PAWR: variants seen among roughly 807,000 people sequenced by gnomAD.
PAWR encodes the protein PRKC apoptosis WT1 regulator protein.
PAWR carries 23 observed loss-of-function variants against 32.0 expected under a neutral mutation model. That is an observed-to-expected ratio of 0.72 (90% confidence interval 0.52 to 1.02). The LOEUF (loss-of-function observed/expected upper bound fraction) is 1.02, where lower values mean the gene tolerates loss of function less well. Among genes scored for constraint, PAWR ranks in the 50% least tolerant of loss-of-function variants. The probability of loss-of-function intolerance (pLI) is 0.00; values close to 1 mark genes in which losing one functional copy is unlikely to be tolerated. For synonymous variants in PAWR, 226 were observed against 187.1 expected (o/e 1.21, Z -1.70); for missense variants, 457 against 437.7 (o/e 1.04, Z -0.39).
intron 2 of PAWR, chr12:79,635,729 G>T (rs1486840525): frequency 6.6e-6 from 1 of 152,042 alleles, no homozygotes; most frequent in Non-Finnish European, 1.5e-5. Flanking sequence ...CACCAATAAA[G>T]CATAATTTTA....
intron 2 of PAWR, among the ~76,000 whole-genome samples, chr12:79,673,101 GCT>G (rs1877988733): frequency 6.6e-6 from 1 of 152,044 alleles, no homozygotes; most frequent in Non-Finnish European, 1.5e-5. Context: ...ACGGAGTCTT[GCT>G]CTGTCTCCCA....
At chr12:79,640,380 T>C (rs1229876406) in intron 2 of PAWR, among the ~76,000 whole-genome samples, 1 of 152,144 alleles carries the variant, frequency 6.6e-6, no homozygotes, top group Non-Finnish European at 1.5e-5. Flanking sequence ...CCTTCAATCA[T>C]ACTACAACCC....
intron 1 of PAWR, 114 bp from the exon 2 acceptor site, chr12:79,690,505 T>G: frequency 4.1e-6 from 2 of 492,300 alleles, no homozygotes; most frequent in Non-Finnish European, 3.2e-6. Flanking sequence ...CACCAGTCAC[T>G]ACCGGCCAGC....
At chr12:79,656,216 A>G (rs148045843) in intron 2 of PAWR, among the ~76,000 whole-genome samples, 3 of 152,360 alleles carry the variant, frequency 2.0e-5, no homozygotes, top group African/African-American at 7.2e-5. Context: ...TAAAGAAAAC[A>G]GAAAACTGTA....
In PAWR at chr12:79,690,408, A is replaced by C. The variant is rs1878955266; in HGVS notation, c.-147-17T>G. ...CCGGCGGGGCTGAGGTGAAAGACAA[A>C]AGGGGGCGGGTAAGGGAAGCGTAAG... On this transcript the variant is annotated splice_polypyrimidine_tract_variant and intron_variant, in intron 1 of 6. Coordinates refer to ENST00000328827, the MANE Select transcript of PAWR (RefSeq NM_002583.4). 4.6e-6 allele frequency: 6 copies of C among 1,300,766 alleles called. No homozygotes were observed. Among genetic ancestry groups the C allele is most frequent in the Admixed American group, 7.9e-5 (2 of 25,246 alleles). 80.6% of individuals were successfully genotyped at this position (1,300,766 alleles called of 1,614,324 possible).
intron 2 of PAWR, among the ~76,000 whole-genome samples, chr12:79,635,884 A>G (rs1341098474): frequency 6.6e-6 from 1 of 152,162 alleles, no homozygotes; most frequent in African/African-American, 2.4e-5. Flanking sequence ...TATGTTGCAC[A>G]TATTCAATAA....
At chr12:79,617,883 CG>C (rs909703509) in intron 3 of PAWR, among the ~76,000 whole-genome samples, 10 of 152,104 alleles carry the variant, frequency 6.6e-5, no homozygotes, top group South Asian at 4.2e-4. Flanking sequence ...GACCTGCCCC[CG>C]CTCTCTCTCT....
intron 2 of PAWR, among the ~76,000 whole-genome samples, chr12:79,688,001 A>G (rs776519547): frequency 6.6e-6 from 1 of 152,142 alleles, no homozygotes. Context: ...ACAGACAAAA[A>G]AAAAGGTACC....
chr12:79,594,997 G>A (rs1287358210), intron 5 of PAWR, among the ~76,000 whole-genome samples: 4 of 152,118 alleles, frequency 2.6e-5, no homozygotes, highest in African/African-American at 4.8e-5. Flanking sequence ...GATTACAAGC[G>A]TGAGCCACTG....
intron 2 of PAWR, among the ~76,000 whole-genome samples, chr12:79,649,308 T>C (rs1876726235): frequency 2.0e-5 from 3 of 152,150 alleles, no homozygotes; most frequent in South Asian, 4.1e-4. Flanking sequence ...CTAGTTTGGG[T>C]ATTACAAAGG....
At position 79,596,432 on chromosome 12, in the gene PAWR, TCTCA is replaced by T. The variant is rs559813266; in HGVS notation, c.831+75_831+78del. The T allele has an allele frequency of 4.6e-4, 320 of 692,038 alleles. 1 individual carries two copies. Among genetic ancestry groups the T allele is most frequent in the South Asian group, 3.0e-3 (141 of 46,270 alleles). 42.9% of individuals were successfully genotyped at this position (692,038 alleles called of 1,614,324 possible). On this transcript the variant is annotated intron_variant, in intron 5 of 6. Transcript: ENST00000328827. Reference sequence around the variant, plus strand: ...AAATATTAAGGAATATTATTTCCTTTCTCACTCAGTTGCTATGAAACAAAAGAAT... The same window carrying T: ...AAATATTAAGGAATATTATTTCCTTTCTCAGTTGCTATGAAACAAAAGAAT...
chr12:79,588,726 T>G lies in PAWR; in HGVS notation c.*3881A>C, dbSNP rs1430735748. 1 of 152,014 alleles carries G rather than the reference T, an allele frequency of 6.6e-6. No homozygotes were observed. Among genetic ancestry groups the G allele is most frequent in the Non-Finnish European group, 1.5e-5 (1 of 67,892 alleles). 9.4% of individuals were successfully genotyped at this position (152,014 alleles called of 1,614,324 possible). A position where few individuals can be genotyped will look rare whatever the true frequency, so the allele number is the denominator to read the frequency against. ...TTTAATACAGCTCCCACATACTATATTCCTCTCACATAGACATAGTTATTT... is the reference window on the plus strand; with the variant it reads ...TTTAATACAGCTCCCACATACTATAGTCCTCTCACATAGACATAGTTATTT... On this transcript the variant is annotated 3_prime_UTR_variant, in exon 7 of 7. Transcript: ENST00000328827.
intron 2 of PAWR, among the ~76,000 whole-genome samples, chr12:79,669,396 T>C (rs939076606): frequency 6.6e-6 from 1 of 152,232 alleles, no homozygotes; most frequent in Non-Finnish European, 1.5e-5. Context: ...TACACTGTTC[T>C]ATCTTTTCAA....
chr12:79,657,186 G>T (rs1877130045), intron 2 of PAWR, among the ~76,000 whole-genome samples: 1 of 152,144 alleles, frequency 6.6e-6, no homozygotes, highest in African/African-American at 2.4e-5. Flanking sequence ...CATAATGTAT[G>T]CTTCCATTTA....
chr12:79,591,819 C>A lies in PAWR; in HGVS notation c.*788G>T, dbSNP rs1349485276. On this transcript the variant is annotated 3_prime_UTR_variant, in exon 7 of 7. Coordinates refer to ENST00000328827, the MANE Select transcript of PAWR (RefSeq NM_002583.4). ...ACACTGACTTTGTACACTTTCCAGG[C>A]CCGAAGAATAAAAAACTTTTAAAAT... 6.6e-6 allele frequency: 1 copy of A among 152,166 alleles called. No homozygotes were observed. The highest frequency in any genetic ancestry group is 6.6e-5 in the Admixed American group (1 of 15,238). The allele number at this position is 152,166 out of a possible 1,614,324, so 9.4% of individuals were successfully genotyped here. A position where few individuals can be genotyped will look rare whatever the true frequency, so the allele number is the denominator to read the frequency against.
chr12:79,689,991 C>A lies in PAWR; in HGVS notation c.254G>T (p.Gly85Val). Residue 85 changes from glycine (G) to valine (V), a missense_variant, in exon 2 of 7, where the codon GGT (glycine) becomes GTT (valine). Transcript: ENST00000328827. ...GGAPAAPAVP[G>V]PGGVNCAVGS... ...GACCGCGCAGTTCACGCCCCCGGGA[C>A]CGGGGACGGCAGGTGCGGCCGGCGC... 7.6e-7 allele frequency: 1 copy of A among 1,314,260 alleles called. No homozygotes were observed. The highest frequency in any genetic ancestry group is 9.6e-7 in the Non-Finnish European group (1 of 1,037,842). 81.4% of individuals were successfully genotyped at this position (1,314,260 alleles called of 1,614,324 possible). A position where few individuals can be genotyped will look rare whatever the true frequency, so the allele number is the denominator to read the frequency against.
chr12:79,637,116 T>C (rs1292717134), intron 2 of PAWR, among the ~76,000 whole-genome samples: 1 of 152,058 alleles, frequency 6.6e-6, no homozygotes, highest in Non-Finnish European at 1.5e-5. Flanking sequence ...GCCCACTACA[T>C]CTAAAAAATA....
chr12:79,626,121 G>A (rs1875296107), intron 2 of PAWR, among the ~76,000 whole-genome samples: 1 of 130,658 alleles, frequency 7.7e-6, no homozygotes, highest in African/African-American at 2.8e-5. Flanking sequence ...CCAAGATCGT[G>A]CCACTGCACT....
intron 4 of PAWR, among the ~76,000 whole-genome samples, chr12:79,597,492 T>C (rs915480286): frequency 1.3e-4 from 20 of 152,108 alleles, no homozygotes; most frequent in Admixed American, 9.2e-4. Context: ...AAAAAGGTCA[T>C]ACAAAATACA....
Sources: gnomAD v4.1 joint callset for allele counts (sites outside exome capture counted in the v4.1 genomes callset) on GRCh38, gnomAD v4.1.1 for gene constraint, MANE v1.5 for transcripts, NCBI Gene and HGNC (gene_info 2026-07-23, HGNC 2026-07-21) for gene names.